TMEM230: variants seen among roughly 807,000 people sequenced by gnomAD.
TMEM230 encodes transmembrane protein 230, also known as UPF0414 transmembrane protein C20orf30.
In TMEM230, 10 loss-of-function variants were observed where a neutral mutation model predicts 15.8. The ratio of observed to expected loss-of-function variants is 0.63; its 90% CI spans 0.39 to 1.07. The LOEUF (loss-of-function observed/expected upper bound fraction) is 1.07, where lower values mean the gene tolerates loss of function less well. TMEM230 is among the 50% of genes least tolerant of loss of function. The pLI, the probability that TMEM230 is intolerant of heterozygous loss-of-function variation, is 0.01. For missense variants in TMEM230, 165 were observed against 193.3 expected (o/e 0.85, Z 0.87); for synonymous variants, 67 against 76.9 (o/e 0.87, Z 0.68).
rs760315052 is a variant in TMEM230, at chr20:5,106,930, C to CTTG, written c.289-621_289-620insCAA. The stretch of plus-strand genomic sequence containing the variant: ...CTATGTTGCCCAGGGTGGTCTCCAA[C>CTTG]TCCTGGGCTCAAGGGAGTCCTTCCA... On this transcript the variant is annotated intron_variant, in intron 3 of 4. Coordinates refer to ENST00000342308, the MANE Select transcript of TMEM230 (RefSeq NM_001009923.2). 2.4e-4 allele frequency among the ~76,000 whole-genome samples: 37 copies of CTTG among 152,090 alleles called. No homozygotes were observed. In the Middle Eastern group the frequency reaches 0.01, roughly 42 times the overall value.
intron 3 of TMEM230, among the ~76,000 whole-genome samples, chr20:5,080,595 C>T (rs1272274984): frequency 2.0e-5 from 3 of 150,390 alleles, no homozygotes; most frequent in African/African-American, 7.4e-5. Flanking sequence ...GAAATGGAGT[C>T]TCAGTCTATT....
chr20:5,100,973 T>C (rs779198122), intron 4 of TMEM230, 42 bp from the exon 4 acceptor site: 1 of 1,607,134 alleles, frequency 6.2e-7, no homozygotes, highest in East Asian at 2.2e-5. Context: ...CCGTAAGAGT[T>C]ACACATTTTA....
downstream of TMEM230, among the ~76,000 whole-genome samples, chr20:5,064,655 A>G (rs1339220058): frequency 6.6e-6 from 1 of 152,218 alleles, no homozygotes; most frequent in Non-Finnish European, 1.5e-5. Flanking sequence ...AATAAGTCCA[A>G]AGGAAGTATA....
downstream of TMEM230, chr20:5,098,610 T>C (rs950924119): frequency 1.3e-5 from 2 of 152,172 alleles, no homozygotes; most frequent in Admixed American, 6.5e-5. Context: ...CAAGTGTGAA[T>C]GTTCAAACAG....
chr20:5,062,373 TAA>T, the TMEM230 span, among the ~76,000 whole-genome samples: 26 of 137,484 alleles, frequency 1.9e-4, no homozygotes, highest in African/African-American at 3.7e-4. Flanking sequence ...CTGTCTCAAT[TAA>T]AAAAAAAAAA....
chr20:5,060,959 G>C, the TMEM230 span: 2 of 152,096 alleles, frequency 1.3e-5, no homozygotes, highest in African/African-American at 4.8e-5. Flanking sequence ...GTATAAAAAT[G>C]TTCGCATTCT....
chr20:5,071,647 G>T (rs987181720), intron 3 of TMEM230, among the ~76,000 whole-genome samples: 13 of 151,670 alleles, frequency 8.6e-5, no homozygotes, highest in African/African-American at 3.1e-4. Flanking sequence ...AACAAAAAGG[G>T]TACATAGATT....
chr20:5,078,268 G>C (rs2089065334), intron 3 of TMEM230, among the ~76,000 whole-genome samples: 1 of 152,148 alleles, frequency 6.6e-6, no homozygotes, highest in Admixed American at 6.6e-5. Flanking sequence ...TTTTAAACAA[G>C]GGACTGCGCA....
At chr20:5,106,022 G>A (rs1180175567) in intron 4 of TMEM230, among the ~76,000 whole-genome samples, 166 bp downstream of exon 3, 2 of 151,612 alleles carry the variant, frequency 1.3e-5, no homozygotes, top group African/African-American at 4.8e-5. Context: ...CTGCACTCTA[G>A]CTTGGATGAC....
intron 3 of TMEM230, among the ~76,000 whole-genome samples, chr20:5,108,498 T>C (rs2090183622): frequency 6.6e-6 from 1 of 151,822 alleles, no homozygotes; most frequent in African/African-American, 2.4e-5. Context: ...ACATAGCAAG[T>C]AAACCTGCCT....
At chr20:5,102,188 C>G (rs1205670264) in intron 4 of TMEM230, among the ~76,000 whole-genome samples, 2 of 152,096 alleles carry the variant, frequency 1.3e-5, no homozygotes, top group African/African-American at 4.8e-5. Context: ...GTTTTGCCAA[C>G]AGAGAACAAA....
In TMEM230 at chr20:5,090,526, TG is replaced by T. The variant is rs146061833; in HGVS notation, c.222+15661del. The stretch of plus-strand genomic sequence containing the variant: ...AGAGAGTTCTTTCAGATGAAACGGA[TG>T]GGAGACTAGGGGATATATACAAATG... On this transcript the variant is annotated intron_variant, in intron 3 of 3. Coordinates refer to the TMEM230 transcript ENST00000612323. Among the ~76,000 whole-genome samples, 238 of 152,144 alleles carry T rather than the reference TG, an allele frequency of 1.6e-3. 1 individual carries two copies. In the East Asian group the frequency reaches 0.041, roughly 26 times the overall value.
intron 3 of TMEM230, among the ~76,000 whole-genome samples, chr20:5,083,431 T>A (rs1169156861): frequency 6.6e-6 from 1 of 151,826 alleles, no homozygotes; most frequent in Admixed American, 6.6e-5. Context: ...TTTTATTAAA[T>A]CAGGAATAGC....
At chr20:5,084,665 C>T (rs533014026) in intron 3 of TMEM230, among the ~76,000 whole-genome samples, 1 of 152,314 alleles carries the variant, frequency 6.6e-6, no homozygotes, top group South Asian at 2.1e-4. Flanking sequence ...TCCTGAGTAG[C>T]TGGAACTACA....
chr20:5,067,460 T>TATATATATATATATATA (rs2088685389), downstream of TMEM230: 6 of 119,082 alleles, frequency 5.0e-5, no homozygotes, highest in Non-Finnish European at 1.0e-4. Flanking sequence ...TATATATATA[T>TATATATATATATATATA]TTTAAGACAG....
the TMEM230 span, among the ~76,000 whole-genome samples, chr20:5,060,182 G>A: frequency 6.6e-6 from 1 of 152,150 alleles, no homozygotes. Context: ...ACAATGCTGG[G>A]ATTACAGGCA....
chr20:5,085,966 T>C (rs1339034631), intron 3 of TMEM230, among the ~76,000 whole-genome samples: 1 of 152,166 alleles, frequency 6.6e-6, no homozygotes, highest in Non-Finnish European at 1.5e-5. Context: ...CACAGGCTGC[T>C]CCATCAGTCC....
chr20:5,062,183 T>C, the TMEM230 span, among the ~76,000 whole-genome samples: 1 of 150,496 alleles, frequency 6.6e-6, no homozygotes, highest in East Asian at 2.0e-4. Flanking sequence ...GATCGCACCA[T>C]TGCACCCCAG....
At chr20:5,077,084 T>C (rs911819072) in intron 3 of TMEM230, among the ~76,000 whole-genome samples, 1 of 151,830 alleles carries the variant, frequency 6.6e-6, no homozygotes, top group African/African-American at 2.4e-5. Flanking sequence ...GGCAGGAGGA[T>C]TGCTTGAGCC....
Sources: gnomAD v4.1 joint callset for allele counts (sites outside exome capture counted in the v4.1 genomes callset) on GRCh38, gnomAD v4.1.1 for gene constraint, MANE v1.5 for transcripts, NCBI Gene and HGNC (gene_info 2026-07-23, HGNC 2026-07-21) for gene names.